Variants in XPO7 observed in about 807,000 individuals in gnomAD.
XPO7 encodes exportin-7.
XPO7 carries 21 observed loss-of-function variants against 144.3 expected under a neutral mutation model. The observed-to-expected ratio is 0.15, with a 90% CI of 0.10 to 0.21. XPO7 has a LOEUF of 0.21. XPO7 is among the 10% of genes least tolerant of loss of function. XPO7 has a pLI of 1.00. For synonymous variants in XPO7, 580 were observed against 499.6 expected (o/e 1.16, Z -2.15); for missense variants, 808 against 1,325.8 (o/e 0.61, Z 6.06).
intron 5 of XPO7, among the ~76,000 whole-genome samples, chr8:21,972,292 A>T (rs1778895100): frequency 1.3e-5 from 2 of 152,150 alleles, no homozygotes. Context: ...AGCCTGGCTA[A>T]CATGTTGAAA....
At position 21,981,246 on chromosome 8, in the gene XPO7, A is replaced by C. The variant is rs537207851; in HGVS notation, c.958-485A>C. ...AAATACTACTATATGAATAAATTAC[A>C]GTAAGTGATATAAATATATGAAACA... On this transcript the variant is annotated intron_variant, in intron 9 of 27. Transcript: ENST00000252512. 2.6e-4 allele frequency among the ~76,000 whole-genome samples: 40 copies of C among 152,368 alleles called. No homozygotes were observed. In the South Asian group the frequency reaches 8.3e-3, roughly 32 times the overall value.
At chr8:21,929,884 G>A (rs1178730837) in intron 1 of XPO7, among the ~76,000 whole-genome samples, 1 of 151,896 alleles carries the variant, frequency 6.6e-6, no homozygotes, top group Non-Finnish European at 1.5e-5. Flanking sequence ...CATTCTCTTT[G>A]GCAAAAATAT....
At chr8:21,981,509 T>C (rs2306642) in intron 9 of XPO7, among the ~76,000 whole-genome samples, 32,455 of 152,154 alleles carry the variant, frequency 0.21, 5,101 homozygotes, top group African/African-American at 0.45. Flanking sequence ...GTGATTATTA[T>C]TGTGAACATA....
chr8:21,952,017 G>A lies in XPO7; in HGVS notation c.19-14840G>A, dbSNP rs188143247. On this transcript the variant is annotated intron_variant, in intron 1 of 27. Coordinates refer to ENST00000252512, the MANE Select transcript of XPO7 (RefSeq NM_015024.5). ...TCCCCACATTGTGCAAAAATGTGGC[G>A]TTAATGACCTGTTCAGCAGGTGTTA... is the stretch of plus-strand genomic sequence containing the variant. 1.5e-3 allele frequency among the ~76,000 whole-genome samples: 225 copies of A among 152,254 alleles called. 2 individuals are homozygous for A. Among genetic ancestry groups the A allele is most frequent in the African/African-American group, 4.4e-3 (181 of 41,540 alleles).
chr8:21,990,747 A>C (rs1812744580), intron 17 of XPO7, 64 bp from the exon 18 acceptor site: 1 of 1,483,654 alleles, frequency 6.7e-7, no homozygotes, highest in African/African-American at 1.4e-5. Context: ...TTCTCTGATT[A>C]CTGGCTTGCA....
intron 10 of XPO7, 77 bp downstream of exon 10, chr8:21,981,954 A>T: frequency 2.5e-6 from 4 of 1,569,932 alleles, no homozygotes; most frequent in Non-Finnish European, 2.6e-6. Flanking sequence ...ATGTAAGAAT[A>T]TATTTTTTTT....
rs560201572 is a variant in XPO7, at chr8:21,982,021, G to A, written c.1104+144G>A. The stretch of plus-strand genomic sequence containing the variant: ...GCCCTACAGAGTAGTTACTATTGTG[G>A]CCTGTGATTTACATTTACACAAGTG... On this transcript the variant is annotated intron_variant, in intron 10 of 27. Coordinates refer to ENST00000252512, the MANE Select transcript of XPO7 (RefSeq NM_015024.5). 25 of 1,083,716 alleles carry A rather than the reference G, an allele frequency of 2.3e-5. No individual in the cohort carries two copies. In the East Asian group the frequency reaches 4.1e-4, roughly 18 times the overall value. The allele number at this position is 1,083,716 out of a possible 1,614,324, so 67.1% of individuals were successfully genotyped here.
At chr8:21,992,285 T>G (rs1189010503) in intron 19 of XPO7, among the ~76,000 whole-genome samples, 1 of 152,244 alleles carries the variant, frequency 6.6e-6, no homozygotes, top group Non-Finnish European at 1.5e-5. Flanking sequence ...ATTTTCATTT[T>G]TAATACTGCT....
chr8:21,944,961 A>G (rs1811130279), intron 1 of XPO7, among the ~76,000 whole-genome samples: 1 of 152,356 alleles, frequency 6.6e-6, no homozygotes, highest in East Asian at 1.9e-4. Context: ...AAGGCAGTAT[A>G]ATTTTTCTTA....
rs140952079 is a variant in XPO7 at position 21,954,264 on chromosome 8, A to G, written c.19-12593A>G. On this transcript the variant is annotated intron_variant, in intron 1 of 27. Coordinates refer to ENST00000252512, the MANE Select transcript of XPO7 (RefSeq NM_015024.5). ...ACGCAGTGTTTAAATGGAGGTTTTA[A>G]TAGGATTCTGTACAAAATACACCCA... is the stretch of plus-strand genomic sequence containing the variant. Among the ~76,000 whole-genome samples the G allele has an allele frequency of 5.9e-5, 9 of 152,322 alleles. No individual in the cohort carries two copies. In the East Asian group the frequency reaches 1.7e-3, roughly 29 times the overall value.
intron 24 of XPO7, among the ~76,000 whole-genome samples, chr8:22,000,502 G>C (rs1168801655): frequency 1.4e-5 from 2 of 144,998 alleles, no homozygotes; most frequent in East Asian, 4.0e-4. Context: ...GCCCAGGCTG[G>C]AGTGCAGTGG....
intron 1 of XPO7, among the ~76,000 whole-genome samples, chr8:21,940,918 C>T (rs7818430): frequency 0.56 from 85,569 of 151,938 alleles, 24,554 homozygotes; most frequent in African/African-American, 0.68. Context: ...AGGTACATGC[C>T]GAATTATACC....
intron 9 of XPO7, 148 bp downstream of exon 9, chr8:21,980,351 C>G: frequency 9.3e-7 from 1 of 1,075,382 alleles, no homozygotes; most frequent in Non-Finnish European, 1.3e-6. Context: ...TAGGCCAATT[C>G]TGAGATTATT....
chr8:21,925,233 AC>A (rs781252917), intron 1 of XPO7, among the ~76,000 whole-genome samples: 20 of 152,246 alleles, frequency 1.3e-4, no homozygotes, highest in Non-Finnish European at 2.2e-4. Flanking sequence ...GTTGTAAAAA[AC>A]CTAGATCCTA....
In XPO7 at chr8:21,952,226, T is replaced by C. The variant is rs556730019; in HGVS notation, c.19-14631T>C. ...ATTGCTATGCTGCACACTGACTTTT[T>C]TGTTACACAGTTTGCTAGGTAGATA... On this transcript the variant is annotated intron_variant, in intron 1 of 27. Coordinates refer to ENST00000252512, the MANE Select transcript of XPO7 (RefSeq NM_015024.5). Among the ~76,000 whole-genome samples the C allele has an allele frequency of 1.2e-4, 18 of 152,318 alleles. No homozygotes were observed. The South Asian group carries it at 3.7e-3, about 32-fold the overall frequency.
intron 20 of XPO7, among the ~76,000 whole-genome samples, chr8:21,994,854 C>G (rs904877659): frequency 6.6e-6 from 1 of 152,026 alleles, no homozygotes; most frequent in Non-Finnish European, 1.5e-5. Flanking sequence ...GAGATCGAGA[C>G]CATCCTGGCT....
intron 9 of XPO7, among the ~76,000 whole-genome samples, chr8:21,980,694 G>A (rs1338031743): frequency 6.6e-6 from 1 of 151,294 alleles, no homozygotes; most frequent in African/African-American, 2.4e-5. Flanking sequence ...AGAATCGCTT[G>A]AACCCGGGAG....
intron 2 of XPO7, 80 bp downstream of exon 2, chr8:21,967,083 G>A: frequency 6.6e-7 from 1 of 1,513,468 alleles, no homozygotes; most frequent in Non-Finnish European, 8.8e-7. Flanking sequence ...GAATGGCATG[G>A]GATGGCTTCT....
At chr8:21,980,837 A>G (rs1430207572) in intron 9 of XPO7, among the ~76,000 whole-genome samples, 3 of 151,648 alleles carry the variant, frequency 2.0e-5, no homozygotes, top group African/African-American at 7.3e-5. Flanking sequence ...AAAAATGTTT[A>G]TCGGTAACCT....
Sources: allele counts gnomAD v4.1 joint callset (sites outside exome capture counted in the v4.1 genomes callset), GRCh38; gene constraint gnomAD v4.1.1; transcripts MANE v1.5; gene names NCBI Gene and HGNC (gene_info 2026-07-23, HGNC 2026-07-21).